ENPP1: variants seen among roughly 807,000 people sequenced by gnomAD.
ENPP1 encodes the protein ectonucleotide pyrophosphatase/phosphodiesterase 1, also known as ectonucleotide pyrophosphatase/phosphodiesterase family member 1.
ENPP1 carries 73 observed loss-of-function variants against 122.8 expected under a neutral mutation model. The ratio of observed to expected loss-of-function variants is 0.59; its 90% CI spans 0.49 to 0.72. The LOEUF (loss-of-function observed/expected upper bound fraction) is 0.72, where lower values mean the gene tolerates loss of function less well. Among genes scored for constraint, ENPP1 ranks in the 30% least tolerant of loss-of-function variants. ENPP1 has a pLI of 0.00. For synonymous variants in ENPP1, 367 were observed against 391.6 expected, an observed-to-expected ratio of 0.94 and a Z score of 0.74; for missense variants, 978 against 1,128.1, an observed-to-expected ratio of 0.87 and a Z score of 1.91.
chr6:131,885,335 A>T (rs1476466449), intron 23 of ENPP1, among the ~76,000 whole-genome samples: 4 of 152,230 alleles, frequency 2.6e-5, no homozygotes. Flanking sequence ...TGCTGAACTC[A>T]TTTAAGATCT....
At chr6:131,812,053 C>T (rs530644303) in intron 1 of ENPP1, among the ~76,000 whole-genome samples, 4 of 152,080 alleles carry the variant, frequency 2.6e-5, no homozygotes, top group Non-Finnish European at 5.9e-5. Flanking sequence ...GACAGAGCAG[C>T]GGGATTTCAG....
At chr6:131,849,623 T>TA (rs778093198) in intron 2 of ENPP1, among the ~76,000 whole-genome samples, 40 of 152,368 alleles carry the variant, frequency 2.6e-4, no homozygotes, top group Middle Eastern at 6.8e-3. Flanking sequence ...CATGCCTGCT[T>TA]AAGCCAACTT....
chr6:131,813,479 G>A (rs139994417), intron 1 of ENPP1, among the ~76,000 whole-genome samples: 2,341 of 151,546 alleles, frequency 0.015, 66 homozygotes, highest in African/African-American at 0.054. Context: ...GCAGTGAGCC[G>A]AGATTGCACC....
At chr6:131,848,056 C>T (rs1021327663) in intron 2 of ENPP1, among the ~76,000 whole-genome samples, 16 of 152,076 alleles carry the variant, frequency 1.1e-4, no homozygotes, top group Admixed American at 3.9e-4. Flanking sequence ...AAAACATGGC[C>T]GGGGGTTCTG....
intron 1 of ENPP1, among the ~76,000 whole-genome samples, chr6:131,839,898 C>T (rs545949275): frequency 1.6e-4 from 25 of 152,030 alleles, no homozygotes; most frequent in Non-Finnish European, 2.8e-4. Flanking sequence ...GTCTATATTT[C>T]TTTAGCTATT....
intron 12 of ENPP1, among the ~76,000 whole-genome samples, chr6:131,869,002 G>A (rs946114539): frequency 6.6e-6 from 1 of 152,200 alleles, no homozygotes; most frequent in Admixed American, 6.5e-5. Context: ...CTTGGAATGA[G>A]AGTGAATCAT....
intron 23 of ENPP1, among the ~76,000 whole-genome samples, chr6:131,885,765 A>G (rs953387159): frequency 6.6e-6 from 1 of 152,228 alleles, no homozygotes; most frequent in Non-Finnish European, 1.5e-5. Context: ...AAAATACATC[A>G]GAAAGCACAT....
At chr6:131,838,513 A>G (rs1781703271) in intron 1 of ENPP1, among the ~76,000 whole-genome samples, 1 of 152,034 alleles carries the variant, frequency 6.6e-6, no homozygotes, top group African/African-American at 2.4e-5. Flanking sequence ...TGATGTCTAA[A>G]GGGGTTTACA....
chr6:131,844,477 A>G (rs1324794229), intron 1 of ENPP1, among the ~76,000 whole-genome samples: 3 of 148,036 alleles, frequency 2.0e-5, no homozygotes, highest in Non-Finnish European at 2.9e-5. Context: ...CAGTTCATGC[A>G]CAGACAGCAA....
intron 1 of ENPP1, among the ~76,000 whole-genome samples, chr6:131,818,610 T>C (rs1781446262): frequency 6.6e-6 from 1 of 150,798 alleles, no homozygotes; most frequent in Non-Finnish European, 1.5e-5. Flanking sequence ...ATCGTGCCAC[T>C]GCACTCCAGC....
chr6:131,877,233 A>G, intron 18 of ENPP1, 72 bp downstream of exon 18: 1 of 1,420,976 alleles, frequency 7.0e-7, no homozygotes, highest in South Asian at 1.2e-5. Context: ...TGTGCTGTAA[A>G]AATACTTAAT....
rs121908249 is a variant in ENPP1, at chr6:131,890,435, A to C, written c.2702A>C (p.Tyr901Ser). 1 of 1,613,714 alleles carries C rather than the reference A, an allele frequency of 6.2e-7. No individual in the cohort carries two copies. Among genetic ancestry groups the C allele is most frequent in the Middle Eastern group, 1.7e-4 (1 of 6,058 alleles). ...GAGCACATCACTGGACTCAGCTTCT[A>C]TCAACAAAGAAAAGAGCCAGTTTCA... ...DVEHITGLSF[Y>S]QQRKEPVSDI... The change falls in exon 25 of 25, where the codon TAT (tyrosine) becomes TCT (serine). Residue 901 changes from tyrosine (Y) to serine (S), a missense_variant. By Grantham distance (144) the Tyr-to-Ser change is moderately radical. Coordinates refer to ENST00000647893, the MANE Select transcript of ENPP1 (RefSeq NM_006208.3).
At chr6:131,881,581 T>C (rs780658820) in intron 20 of ENPP1, among the ~76,000 whole-genome samples, 2 of 152,148 alleles carry the variant, frequency 1.3e-5, no homozygotes, top group Non-Finnish European at 2.9e-5. Context: ...ATCAACATTT[T>C]ACTATATAAA....
chr6:131,852,120 C>A, intron 4 of ENPP1, 55 bp from the exon 5 acceptor site: 1 of 1,163,962 alleles, frequency 8.6e-7, no homozygotes. Context: ...TCACAAGCAT[C>A]ACAATTATTA....
Position 131,874,562 on chromosome 6 carries a change from G to A in ENPP1, c.1635+225G>A, listed in dbSNP as rs560912129. 2.6e-5 allele frequency among the ~76,000 whole-genome samples: 4 copies of A among 152,186 alleles called. No homozygotes were observed. The East Asian group carries it at 7.7e-4, about 29-fold the overall frequency. Reference sequence around the variant, plus strand: ...ACAACAGATGTAGTAAGGATGTGGAGAAAAGGGAACACTTATACACTGTCA... The same window carrying A: ...ACAACAGATGTAGTAAGGATGTGGAAAAAAGGGAACACTTATACACTGTCA... On this transcript the variant is annotated intron_variant, in intron 16 of 24. Coordinates refer to ENST00000647893, the MANE Select transcript of ENPP1 (RefSeq NM_006208.3).
intron 1 of ENPP1, among the ~76,000 whole-genome samples, chr6:131,839,350 A>T (rs1181105998): frequency 3.3e-5 from 5 of 151,360 alleles, no homozygotes; most frequent in Non-Finnish European, 7.4e-5. Flanking sequence ...TCTTAGGCTT[A>T]CCTCCAATGA....
At chr6:131,875,973 C>A in intron 17 of ENPP1, 110 bp downstream of exon 17, 1 of 807,732 alleles carries the variant, frequency 1.2e-6, no homozygotes, top group South Asian at 1.4e-5. Flanking sequence ...TGAGGCAAGA[C>A]AGATTTTTAC....
At chr6:131,875,154 TCAC>T (rs1473163487) in intron 16 of ENPP1, among the ~76,000 whole-genome samples, 1 of 152,112 alleles carries the variant, frequency 6.6e-6, no homozygotes, top group South Asian at 2.1e-4. Flanking sequence ...AGCTCAGACT[TCAC>T]CACTGTGCAA....
intron 5 of ENPP1, among the ~76,000 whole-genome samples, chr6:131,854,472 G>T (rs924892784): frequency 6.6e-6 from 1 of 152,042 alleles, no homozygotes; most frequent in Non-Finnish European, 1.5e-5. Flanking sequence ...TATACTATAT[G>T]AAGTACTATT....
Sources: allele counts gnomAD v4.1 joint callset (sites outside exome capture counted in the v4.1 genomes callset), GRCh38; gene constraint gnomAD v4.1.1; transcripts MANE v1.5; gene names NCBI Gene and HGNC (gene_info 2026-07-23, HGNC 2026-07-21).